The following TECPR1 variants were observed in gnomAD, a reference collection of about 807,000 sequenced individuals.
The protein encoded by TECPR1 is tectonin beta-propeller repeat containing 1.
Under a neutral mutation model 162.4 loss-of-function variants are expected in TECPR1, and 122 were observed. That is an observed-to-expected ratio of 0.75 (90% confidence interval 0.65 to 0.87). The LOEUF is 0.87. Ranked by LOEUF, TECPR1 falls within the 40% of genes least tolerant of loss-of-function variation. TECPR1 has a pLI of 0.00. For synonymous variants in TECPR1, 642 were observed against 670.6 expected, an observed-to-expected ratio of 0.96 and a Z score of 0.66; for missense variants, 1,432 against 1,618.2, an observed-to-expected ratio of 0.88 and a Z score of 1.97.
At chr7:98,225,616 C>T (rs1798263177) in intron 17 of TECPR1, among the ~76,000 whole-genome samples, 1 of 151,748 alleles carries the variant, frequency 6.6e-6, no homozygotes, top group Non-Finnish European at 1.5e-5. Context: ...CTTTCTTTCT[C>T]TCTTTCTTTC....
Position 98,228,039 on chromosome 7 carries a change from T to C in TECPR1, c.2488A>G (p.Asn830Asp). 6.2e-7 allele frequency: 1 copy of C among 1,612,968 alleles called. No homozygotes were observed. The highest frequency in any genetic ancestry group is 1.1e-5 in the South Asian group (1 of 90,620). ...CTGCTGGTGTAGCCTGTGACGGGGTTCCAGCGCTGGTTCTCATAGATGTGA... is the reference window on the plus strand; with the variant it reads ...CTGCTGGTGTAGCCTGTGACGGGGTCCCAGCGCTGGTTCTCATAGATGTGA... Reference protein sequence around the residue: ...CVHIYENQRWNPVTGYTSRGL... With the variant: ...CVHIYENQRWDPVTGYTSRGL... The change falls in exon 17 of 26, where the codon AAC becomes GAC. Residue 830 changes from asparagine to aspartate, a missense_variant. Coordinates refer to ENST00000447648, the MANE Select transcript of TECPR1 (RefSeq NM_015395.3).
At chr7:98,233,224 A>G in intron 11 of TECPR1, 197 bp downstream of exon 11, 1 of 849,180 alleles carries the variant, frequency 1.2e-6, no homozygotes, top group East Asian at 2.9e-5. Flanking sequence ...CCGTGCTTCC[A>G]GGTCCTGACA....
rs1322816823 is a variant in TECPR1, at chr7:98,232,919, C to A, written c.1726G>T (p.Ala576Ser). The change falls in exon 12 of 26, where the codon GCT (alanine) becomes TCT (serine). Residue 576 changes from alanine to serine, a missense_variant. Coordinates refer to ENST00000447648, the MANE Select transcript of TECPR1 (RefSeq NM_015395.3). This position sits in a 1 kb window ranked among gnomAD's most constrained non-coding sequence, Gnocchi z 4.6. ...LSLSITPAQT[A>S]AWRKQIFQQL... is the part of the protein sequence containing the mutation. ...TGGAAGATCTGCTTCCTCCAGGCAG[C>A]GGTCTGGGCCGGCGTGATGGACAGG... is the stretch of plus-strand genomic sequence containing the variant. 6.2e-7 allele frequency: 1 copy of A among 1,612,542 alleles called. No homozygotes were observed. The highest frequency in any genetic ancestry group is 8.5e-7 in the Non-Finnish European group (1 of 1,179,778).
At chr7:98,231,163 G>GCCAGGCCACC (rs779011581) in intron 14 of TECPR1, 45 bp from the exon 15 acceptor site, 2 of 1,606,872 alleles carry the variant, frequency 1.2e-6, no homozygotes, top group East Asian at 4.5e-5. Context: ...GCCAGGCCAG[G>GCCAGGCCACC]CCAGGCCACC....
At chr7:98,218,452 G>T (rs139150753) in intron 23 of TECPR1, among the ~76,000 whole-genome samples, 63 of 152,286 alleles carry the variant, frequency 4.1e-4, no homozygotes, top group African/African-American at 1.5e-3. Flanking sequence ...CCCATGATAG[G>T]ATCAAATACC....
At chr7:98,233,362 C>T in intron 11 of TECPR1, 59 bp downstream of exon 11, 1 of 1,406,212 alleles carries the variant, frequency 7.1e-7, no homozygotes, top group African/African-American at 1.5e-5. Flanking sequence ...CCTCCCACAC[C>T]CCACACCCCC....
Position 98,244,930 on chromosome 7 carries a change from G to A in TECPR1, c.363C>T (p.Asp121=), listed in dbSNP as rs765199326. 5 of 1,612,948 alleles carry A rather than the reference G, an allele frequency of 3.1e-6. No homozygotes were observed. The East Asian group carries it at 1.1e-4, about 36-fold the overall frequency. ...CTCCAAAATTCTCATCCACGTACCA[G>A]TCAGACTCCCACTCCCAGTGCGGCG... is the stretch of plus-strand genomic sequence containing the variant. The part of the protein sequence containing the change: ...LPSPHWEWES[D]WYVDENFGGE... The change falls in exon 4 of 26, where the codon GAC becomes GAT. Residue 121 remains aspartate (D), a synonymous_variant. Coordinates refer to ENST00000447648, the MANE Select transcript of TECPR1 (RefSeq NM_015395.3).
At position 98,229,029 on chromosome 7, in the gene TECPR1, C is replaced by T. The variant is rs762899253; in HGVS notation, c.2410+10G>A. ...AGGAAGGCTCCGGGGGGGCTGTGGG[C>T]CGCCCTCACCTTGGAAGCAGCCGCC... On this transcript the variant is annotated intron_variant, in intron 16 of 25. Transcript: ENST00000447648. 5 of 1,599,384 alleles carry T rather than the reference C, an allele frequency of 3.1e-6. No individual in the cohort carries two copies. The South Asian group carries it at 5.6e-5, about 18-fold the overall frequency.
chr7:98,228,448 CTG>C (rs1254970516), intron 16 of TECPR1: 2 of 325,212 alleles, frequency 6.1e-6, no homozygotes, highest in Non-Finnish European at 1.2e-5. Flanking sequence ...CCAGCTCACT[CTG>C]TGTTACAAAG....
intron 11 of TECPR1, 70 bp downstream of exon 11, chr7:98,233,344 CCCGGCCT>C: frequency 7.2e-7 from 1 of 1,388,724 alleles, no homozygotes; most frequent in East Asian, 2.7e-5. Flanking sequence ...GCCCCCTGAC[CCCGGCCT>C]CCTCCCACAC....
chr7:98,229,908 T>C (rs1411096418), intron 15 of TECPR1, among the ~76,000 whole-genome samples: 1 of 151,786 alleles, frequency 6.6e-6, no homozygotes, highest in Non-Finnish European at 1.5e-5. Context: ...GACAGAATCA[T>C]AGCCCCCATG....
chr7:98,231,518 CTTCAT>C (rs2116572389), intron 13 of TECPR1, 145 bp from the exon 14 acceptor site: 3 of 756,754 alleles, frequency 4.0e-6, no homozygotes, highest in Non-Finnish European at 6.0e-6. Context: ...TCCCTTGGTA[CTTCAT>C]TTCTTTACCC....
chr7:98,222,625 G>A (rs1361472004), intron 21 of TECPR1, 104 bp from the exon 22 acceptor site: 7 of 1,392,286 alleles, frequency 5.0e-6, no homozygotes, highest in Non-Finnish European at 6.7e-6. Context: ...CAGCATAGGT[G>A]GCTGGGGGAC....
intron 25 of TECPR1, 71 bp downstream of exon 25, chr7:98,217,621 G>A: frequency 6.6e-7 from 1 of 1,521,434 alleles, no homozygotes; most frequent in Non-Finnish European, 8.8e-7. Flanking sequence ...TCCCACAGTG[G>A]TCGTCCCGTC....
chr7:98,246,872 C>T (rs1798925862), intron 2 of TECPR1, among the ~76,000 whole-genome samples: 1 of 152,052 alleles, frequency 6.6e-6, no homozygotes, highest in African/African-American at 2.4e-5. Context: ...CATGAGCCAC[C>T]ACGCCCGGTC....
chr7:98,224,618 C>T (rs1798228606), intron 19 of TECPR1, among the ~76,000 whole-genome samples, 183 bp downstream of exon 19: 1 of 152,178 alleles, frequency 6.6e-6, no homozygotes, highest in Non-Finnish European at 1.5e-5. Context: ...TCCCCTGGGC[C>T]CCTCCTGGCC....
At chr7:98,237,567 C>T (rs1014281217) in intron 9 of TECPR1, among the ~76,000 whole-genome samples, 6 of 152,108 alleles carry the variant, frequency 3.9e-5, no homozygotes, top group African/African-American at 1.4e-4. Flanking sequence ...CTCCCAGCTT[C>T]AACCGATTCT....
rs1217517324 is a variant in TECPR1 at position 98,238,586 on chromosome 7, A to C, written c.958T>G (p.Ser320Ala). Reference protein sequence around the residue: ...WKVWFRRGVNSHNPCGTSWIE... With the variant: ...WKVWFRRGVNAHNPCGTSWIE... ...CAACTGGTGCCGCAGGGATTGTGAGAGTTGACGCCTCTTCGGAACCACACC... is the reference window on the plus strand; with the variant it reads ...CAACTGGTGCCGCAGGGATTGTGAGCGTTGACGCCTCTTCGGAACCACACC... Residue 320 changes from serine (S) to alanine (A), a missense_variant, in exon 9 of 26, where the codon TCT becomes GCT. Coordinates refer to ENST00000447648, the MANE Select transcript of TECPR1 (RefSeq NM_015395.3). 6.4e-7 allele frequency: 1 copy of C among 1,570,896 alleles called. No individual in the cohort carries two copies. Among genetic ancestry groups the C allele is most frequent in the Middle Eastern group, 1.7e-4 (1 of 5,996 alleles).
chr7:98,242,628 GCACA>G (rs1798781728), intron 6 of TECPR1, among the ~76,000 whole-genome samples: 1 of 122,972 alleles, frequency 8.1e-6, no homozygotes. Context: ...CTGTCCATCT[GCACA>G]TACCTTCCAT....
Sources: allele counts gnomAD v4.1 joint callset (sites outside exome capture counted in the v4.1 genomes callset), GRCh38; gene constraint gnomAD v4.1.1; non-coding constraint Gnocchi (gnomAD v3.1); transcripts MANE v1.5; gene names NCBI Gene and HGNC (gene_info 2026-07-23, HGNC 2026-07-21).